The following FH variants were observed in gnomAD, a reference collection of about 807,000 sequenced individuals.
The protein encoded by FH is fumarate hydratase.
Under a neutral mutation model 49.4 loss-of-function variants are expected in FH, and 22 were observed. The ratio of observed to expected loss-of-function variants is 0.45; its 90% CI spans 0.32 to 0.64. The LOEUF (loss-of-function observed/expected upper bound fraction) is 0.64. Ranked by LOEUF, FH falls within the 30% of genes least tolerant of loss-of-function variation. The pLI, the probability that FH is intolerant of heterozygous loss-of-function variation, is 0.05. For missense variants in FH, 526 were observed against 641.5 expected (o/e 0.82, Z 1.95); for synonymous variants, 208 against 223.0 (o/e 0.93, Z 0.60).
At chr1:241,519,515 C>T in intron 1 of FH, 76 bp downstream of exon 1, 2 of 1,489,644 alleles carry the variant, frequency 1.3e-6, no homozygotes, top group South Asian at 2.5e-5. Flanking sequence ...CCCGCCAAGT[C>T]GCGGGCGCCC....
Position 241,504,245 on chromosome 1 carries a change from C to G in FH, c.905G>C (p.Gly302Ala), listed in dbSNP as rs1162334354. 6.2e-7 allele frequency: 1 copy of G among 1,613,670 alleles called. No homozygotes were observed. The highest frequency in any genetic ancestry group is 8.5e-7 in the Non-Finnish European group (1 of 1,179,892). ...ATTCGGAGCAGTGACAAAAGGCAAGCCTAAAGAAAAGAAAAATATCCTAGA... is the reference window on the plus strand; with the variant it reads ...ATTCGGAGCAGTGACAAAAGGCAAGGCTAAAGAAAAGAAAAATATCCTAGA... Reference protein sequence around the residue: ...KVAAKVAALTGLPFVTAPNKF... With the variant: ...KVAAKVAALTALPFVTAPNKF... Residue 302 changes from glycine (G) to alanine (A), a missense_variant and splice_region_variant, in exon 7 of 10, where the codon GGC becomes GCC. Gly to Ala is a moderately conservative substitution (Grantham distance 60). Transcript: ENST00000366560.
At position 241,508,599 on chromosome 1, in the gene FH, ATACCTGCCCAAGAGTAAGTG is replaced by A. The variant is rs1064792900; in HGVS notation, c.722_738+3del. On this transcript the variant is annotated splice_donor_variant and splice_donor_region_variant and coding_sequence_variant and intron_variant, in exon 5 of 10. Coordinates refer to ENST00000366560, the MANE Select transcript of FH (RefSeq NM_000143.4). LOFTEE classifies it high-confidence loss of function. ...ATTGAATCAAATTAGTCAAACTCCTATACCTGCCCAAGAGTAAGTGGAACAGCATCCTGAGTATGAGTACG... is the reference window on the plus strand; with the variant it reads ...ATTGAATCAAATTAGTCAAACTCCTAGAACAGCATCCTGAGTATGAGTACG... 1.2e-6 allele frequency: 2 copies of A among 1,610,856 alleles called. No homozygotes were observed. Among genetic ancestry groups the A allele is most frequent in the Non-Finnish European group, 1.7e-6 (2 of 1,177,078 alleles).
At chr1:241,503,520 A>G (rs897745898) in intron 7 of FH, among the ~76,000 whole-genome samples, 6 of 152,212 alleles carry the variant, frequency 3.9e-5, no homozygotes, top group African/African-American at 1.4e-4. Flanking sequence ...AGAGCCCTTC[A>G]GCTTGTTACC....
At chr1:241,502,349 C>T (rs1573879186) in intron 8 of FH, 94 bp downstream of exon 8, 4 of 1,425,984 alleles carry the variant, frequency 2.8e-6, no homozygotes, top group Non-Finnish European at 3.0e-6. Context: ...CACCCAACTA[C>T]CCAATGTGGA....
chr1:241,503,726 G>A (rs759537846), intron 7 of FH, among the ~76,000 whole-genome samples: 21 of 152,176 alleles, frequency 1.4e-4, no homozygotes, highest in Non-Finnish European at 7.4e-5. Context: ...GGCATATAAC[G>A]GAATGCAAAA....
chr1:241,517,359 C>T (rs201981635), intron 1 of FH, 43 bp from the exon 2 acceptor site: 10 of 1,610,876 alleles, frequency 6.2e-6, no homozygotes, highest in Non-Finnish European at 6.8e-6. Context: ...GAAAAGAAAC[C>T]CAGGATCAAA....
Position 241,517,987 on chromosome 1 carries a change from A to G in FH, c.133-671T>C, listed in dbSNP as rs556476806. ...TATTTAATCTCCACTAAAGACAAGA[A>G]TAAAACACTGCCTGTAAAACCCTAT... On this transcript the variant is annotated intron_variant, in intron 1 of 9. Transcript: ENST00000366560. Among the ~76,000 whole-genome samples, 3 of 152,306 alleles carry G rather than the reference A, an allele frequency of 2.0e-5. No homozygotes were observed. In the South Asian group the frequency reaches 6.2e-4, roughly 32 times the overall value.
chr1:241,516,658 A>AT (rs34340049), intron 2 of FH, among the ~76,000 whole-genome samples: 90,103 of 148,502 alleles, frequency 0.61, 28,501 homozygotes, highest in South Asian at 0.76. Flanking sequence ...AATTAAATTA[A>AT]TTTTTTTTTT....
chr1:241,519,261 G>C, intron 1 of FH: 1 of 279,694 alleles, frequency 3.6e-6, no homozygotes, highest in Non-Finnish European at 6.8e-6. Context: ...GGGCCTGCGC[G>C]CCAGCAGCAG....
chr1:241,508,550 T>C lies in FH; in HGVS notation c.738+53A>G, dbSNP rs111576470. ...CTAGTCAGATTTCAAGGATGACACA[T>C]TGGCCATTTGTACCAAGCTCTAAAT... On this transcript the variant is annotated intron_variant, in intron 5 of 9. Transcript: ENST00000366560. The C allele has an allele frequency of 1.8e-4, 268 of 1,481,406 alleles. 2 individuals are homozygous for C. In the South Asian group the frequency reaches 2.1e-3, roughly 12 times the overall value. 91.8% of individuals were successfully genotyped at this position (1,481,406 alleles called of 1,614,324 possible).
chr1:241,509,090 T>TCCTTCTCC (rs1660010329), intron 4 of FH, among the ~76,000 whole-genome samples: 1 of 149,448 alleles, frequency 6.7e-6, no homozygotes. Context: ...TTATATTATG[T>TCCTTCTCC]ATTACGTATT....
intron 6 of FH, among the ~76,000 whole-genome samples, chr1:241,505,054 G>A (rs868733260): frequency 2.0e-5 from 3 of 151,234 alleles, no homozygotes; most frequent in African/African-American, 4.9e-5. Context: ...GGTTACAGGC[G>A]CCCGCCACCA....
chr1:241,504,342 A>G (rs1659861065), intron 6 of FH, 97 bp from the exon 7 acceptor site: 1 of 1,200,404 alleles, frequency 8.3e-7, no homozygotes, highest in Non-Finnish European at 1.2e-6. Flanking sequence ...TATACGAAAA[A>G]ATAAAAATTT....
intron 1 of FH, chr1:241,519,379 A>G (rs1372511999): frequency 3.5e-6 from 2 of 572,408 alleles, no homozygotes; most frequent in Non-Finnish European, 5.8e-6. Flanking sequence ...TCCCTCCCCA[A>G]GCGCTCTCCC....
At chr1:241,505,864 T>C (rs1423383724) in intron 6 of FH, 139 bp downstream of exon 6, 2 of 835,952 alleles carry the variant, frequency 2.4e-6, no homozygotes, top group African/African-American at 1.7e-5. Context: ...TTCAGAAATA[T>C]ACTTAAAACA....
Position 241,497,808 on chromosome 1 carries a change from T to C in FH, c.*20A>G, listed in dbSNP as rs184468585. ...TTTTAAATTTTATACATGTTTATTT[T>C]CATTATAAATTTATGTAAATCACTT... On this transcript the variant is annotated 3_prime_UTR_variant, in exon 10 of 10. Coordinates refer to ENST00000366560, the MANE Select transcript of FH (RefSeq NM_000143.4). The C allele has an allele frequency of 3.7e-5, 58 of 1,557,540 alleles. No homozygotes were observed. Among genetic ancestry groups the C allele is most frequent in the Non-Finnish European group, 4.2e-5 (48 of 1,149,226 alleles).
At chr1:241,506,368 C>A (rs137943762) in intron 5 of FH, among the ~76,000 whole-genome samples, 200 bp from the exon 6 acceptor site, 1 of 152,020 alleles carries the variant, frequency 6.6e-6, no homozygotes, top group East Asian at 1.9e-4. Context: ...CCATAAGGTA[C>A]GACAATGCCA....
At chr1:241,514,133 G>A (rs1169400366) in intron 2 of FH, among the ~76,000 whole-genome samples, 7 of 151,998 alleles carry the variant, frequency 4.6e-5, no homozygotes, top group South Asian at 2.1e-4. Flanking sequence ...TGGATCCCAC[G>A]TTACATTATA....
At chr1:241,499,914 T>C (rs1347783160) in intron 9 of FH, among the ~76,000 whole-genome samples, 1 of 152,238 alleles carries the variant, frequency 6.6e-6, no homozygotes, top group East Asian at 1.9e-4. Flanking sequence ...AGCATGGTTT[T>C]AGACAAAATA....
Sources: allele counts gnomAD v4.1 joint callset (sites outside exome capture counted in the v4.1 genomes callset), GRCh38; gene constraint gnomAD v4.1.1; transcripts MANE v1.5; gene names NCBI Gene and HGNC (gene_info 2026-07-23, HGNC 2026-07-21).